The following NAALADL2 variants were observed in gnomAD, a reference collection of about 807,000 sequenced individuals.
The protein encoded by NAALADL2 is inactive N-acetylated-alpha-linked acidic dipeptidase-like protein 2.
In NAALADL2, 76 loss-of-function variants were observed where a neutral mutation model predicts 87.2. The observed-to-expected ratio is 0.87, with a 90% confidence interval of 0.72 to 1.05. NAALADL2 has a LOEUF of 1.05. Among genes scored for constraint, NAALADL2 ranks in the 50% least tolerant of loss-of-function variants. The pLI is 0.00. For missense variants in NAALADL2, 1,089 were observed against 945.8 expected (o/e 1.15, Z -1.99); for synonymous variants, 354 against 331.0 (o/e 1.07, Z -0.75).
rs77709164 is a variant in NAALADL2, at chr3:175,203,017, G to A, written c.546-30914G>A. ...GCCCCAAGTCTGTTTCCAGGTGGTGGACGAGATGGACTTTAGAACTTGCCC... is the reference window on the plus strand; with the variant it reads ...GCCCCAAGTCTGTTTCCAGGTGGTGAACGAGATGGACTTTAGAACTTGCCC... On this transcript the variant is annotated intron_variant, in intron 2 of 13. Coordinates refer to ENST00000454872, the MANE Select transcript of NAALADL2 (RefSeq NM_207015.3). 7.2e-5 allele frequency among the ~76,000 whole-genome samples: 11 copies of A among 152,110 alleles called. No homozygotes were observed. In the East Asian group the frequency reaches 2.1e-3, roughly 30 times the overall value.
At chr3:175,474,588 C>G (rs1560612674) in intron 9 of NAALADL2, among the ~76,000 whole-genome samples, 2 of 152,142 alleles carry the variant, frequency 1.3e-5, no homozygotes, top group Admixed American at 1.3e-4. Flanking sequence ...CAATGTACAG[C>G]TTGATGAATT....
At chr3:174,985,581 G>T (rs1339997926) in intron 1 of NAALADL2, among the ~76,000 whole-genome samples, 1 of 152,098 alleles carries the variant, frequency 6.6e-6, no homozygotes, top group Non-Finnish European at 1.5e-5. Context: ...TTTTAGTGCT[G>T]CCATAATAAA....
At chr3:175,135,447 G>T (rs1728968752) in intron 2 of NAALADL2, among the ~76,000 whole-genome samples, 1 of 151,972 alleles carries the variant, frequency 6.6e-6, no homozygotes, top group African/African-American at 2.4e-5. Flanking sequence ...ACACAGATTT[G>T]TAGAGTAAGC....
chr3:175,757,316 T>C (rs1316542917), intron 13 of NAALADL2, among the ~76,000 whole-genome samples: 2 of 152,234 alleles, frequency 1.3e-5, no homozygotes, highest in African/African-American at 4.8e-5. Context: ...AAAAGCCTTA[T>C]CACTGCAGAC....
At chr3:175,551,517 T>C (rs2149491313) in intron 9 of NAALADL2, among the ~76,000 whole-genome samples, 1 of 152,248 alleles carries the variant, frequency 6.6e-6, no homozygotes, top group African/African-American at 2.4e-5. Context: ...TACAATCAAA[T>C]TAAGGGTCCC....
chr3:175,780,035 G>A (rs191896758), intron 13 of NAALADL2, among the ~76,000 whole-genome samples: 1 of 151,924 alleles, frequency 6.6e-6, no homozygotes, highest in Non-Finnish European at 1.5e-5. Context: ...CTGGGAGGCC[G>A]AGGTGGGCAG....
chr3:175,068,281 T>G (rs1219926569), intron 1 of NAALADL2, among the ~76,000 whole-genome samples: 1 of 152,038 alleles, frequency 6.6e-6, no homozygotes, highest in East Asian at 1.9e-4. Flanking sequence ...AAAAAATTAG[T>G]TTTTACACTT....
chr3:175,340,101 A>T (rs998125656), intron 5 of NAALADL2, among the ~76,000 whole-genome samples: 1 of 152,184 alleles, frequency 6.6e-6, no homozygotes, highest in African/African-American at 2.4e-5. Flanking sequence ...CCAAGAACTA[A>T]ACAGGATAGG....
intron 10 of NAALADL2, among the ~76,000 whole-genome samples, chr3:175,614,203 C>A (rs1725036274): frequency 6.6e-6 from 1 of 152,182 alleles, no homozygotes; most frequent in Non-Finnish European, 1.5e-5. Context: ...CAGGTGCGAG[C>A]CACCATACCT....
At chr3:175,027,717 A>G (rs1384390742) in intron 1 of NAALADL2, among the ~76,000 whole-genome samples, 1 of 152,120 alleles carries the variant, frequency 6.6e-6, no homozygotes, top group African/African-American at 2.4e-5. Context: ...ATAGAAGAAT[A>G]TGACACAGAT....
chr3:174,777,748 C>G lies in NAALADL2; in HGVS notation c.-9+40002C>G, dbSNP rs1424907694. 3.9e-5 allele frequency among the ~76,000 whole-genome samples: 6 copies of G among 152,092 alleles called. No homozygotes were observed. In the East Asian group the frequency reaches 1.2e-3, roughly 29 times the overall value. On this transcript the variant is annotated intron_variant, in intron 3 of 3. Transcript: ENST00000434257. The stretch of plus-strand genomic sequence containing the variant: ...AGCCAACAGATATCTCAATTCTGAA[C>G]TGGCTCTGTTCAACAAGGAGCTTAG...
chr3:174,575,264 C>A (rs1715396710), intron 2 of NAALADL2, among the ~76,000 whole-genome samples: 1 of 151,960 alleles, frequency 6.6e-6, no homozygotes, highest in Admixed American at 6.6e-5. Flanking sequence ...ATATTGTAGA[C>A]AACAAAATTA....
At chr3:175,573,275 T>C (rs1442233324) in intron 9 of NAALADL2, among the ~76,000 whole-genome samples, 1 of 152,198 alleles carries the variant, frequency 6.6e-6, no homozygotes, top group Non-Finnish European at 1.5e-5. Flanking sequence ...TAGGATGCTT[T>C]TGCTGTCTTG....
intron 1 of NAALADL2, among the ~76,000 whole-genome samples, chr3:174,512,802 C>T (rs759066219): frequency 4.6e-5 from 7 of 152,026 alleles, no homozygotes; most frequent in African/African-American, 7.2e-5. Context: ...GTTCAGTGTT[C>T]TTGTTCATTG....
At chr3:175,733,595 T>G (rs1744087868) in intron 11 of NAALADL2, among the ~76,000 whole-genome samples, 1 of 152,122 alleles carries the variant, frequency 6.6e-6, no homozygotes, top group Non-Finnish European at 1.5e-5. Flanking sequence ...TCTCATATCT[T>G]TACATTTCAA....
chr3:175,442,295 T>C (rs1009110844), intron 5 of NAALADL2, among the ~76,000 whole-genome samples: 1 of 70,946 alleles, frequency 1.4e-5, no homozygotes, highest in African/African-American at 4.0e-5. Flanking sequence ...GTCACACATA[T>C]AAAGTATATA....
intron 3 of NAALADL2, among the ~76,000 whole-genome samples, chr3:174,787,598 T>TATGTATATATATACACAC (rs1716899233): frequency 1.7e-5 from 1 of 60,184 alleles, no homozygotes; most frequent in Non-Finnish European, 3.5e-5. Flanking sequence ...TATATATATA[T>TATGTATATATATACACAC]ATATATATAT....
At chr3:175,105,269 T>A (rs916842782) in intron 2 of NAALADL2, among the ~76,000 whole-genome samples, 2 of 152,082 alleles carry the variant, frequency 1.3e-5, no homozygotes, top group Non-Finnish European at 2.9e-5. Flanking sequence ...GAAAGAACTA[T>A]GGGTCTGGCA....
Position 175,467,214 on chromosome 3 carries a change from C to T in NAALADL2, c.1533+30C>T, listed in dbSNP as rs1470506700. 2.6e-6 allele frequency: 4 copies of T among 1,555,784 alleles called. No homozygotes were observed. In the East Asian group the frequency reaches 9.1e-5, roughly 35 times the overall value. On this transcript the variant is annotated intron_variant, in intron 8 of 13. Transcript: ENST00000454872. ...AGCAAAATATACATTAATTACAGTGCTTTTCTTTTCTTAGTTTGCTAAAGT... is the reference window on the plus strand; with the variant it reads ...AGCAAAATATACATTAATTACAGTGTTTTTCTTTTCTTAGTTTGCTAAAGT...
Sources: gnomAD v4.1 joint callset for allele counts (sites outside exome capture counted in the v4.1 genomes callset) on GRCh38, gnomAD v4.1.1 for gene constraint, MANE v1.5 for transcripts, NCBI Gene and HGNC (gene_info 2026-07-23, HGNC 2026-07-21) for gene names.